Variants in SGSM1 observed in about 807,000 individuals in gnomAD.
The protein encoded by SGSM1 is small G protein signaling modulator 1.
SGSM1 carries 73 observed loss-of-function variants against 133.8 expected under a neutral mutation model. That is an observed-to-expected ratio of 0.55 (90% CI 0.45 to 0.66). SGSM1 has a LOEUF of 0.66. Ranked by LOEUF, SGSM1 falls within the 30% of genes least tolerant of loss-of-function variation. The pLI is 0.00. For missense variants in SGSM1, 1,213 were observed against 1,448.1 expected, an observed-to-expected ratio of 0.84 and a Z score of 2.64; for synonymous variants, 563 against 573.0, an observed-to-expected ratio of 0.98 and a Z score of 0.25.
At chr22:24,854,969 A>G (rs777713811) in intron 5 of SGSM1, 27 bp from the exon 6 acceptor site, 1 of 1,599,702 alleles carries the variant, frequency 6.3e-7, no homozygotes, top group East Asian at 2.2e-5. Context: ...TCTCCATCCA[A>G]ACCTGCATAT....
chr22:24,845,644 C>T (rs996685335), intron 3 of SGSM1, among the ~76,000 whole-genome samples: 1 of 152,190 alleles, frequency 6.6e-6, no homozygotes, highest in African/African-American at 2.4e-5. Flanking sequence ...ATTCCCCTCC[C>T]GTGATCTTGG....
At chr22:24,915,927 T>C (rs1182388472) in intron 22 of SGSM1, among the ~76,000 whole-genome samples, 1 of 152,198 alleles carries the variant, frequency 6.6e-6, no homozygotes, top group African/African-American at 2.4e-5. Flanking sequence ...TATGTACATG[T>C]TTTCCATAAT....
intron 24 of SGSM1, among the ~76,000 whole-genome samples, chr22:24,920,860 T>C (rs1213630501): frequency 2.6e-5 from 4 of 152,200 alleles, no homozygotes; most frequent in African/African-American, 9.7e-5. Flanking sequence ...CTTTGCCTAC[T>C]GTTAGCATTT....
At chr22:24,877,482 C>G (rs1474192564) in intron 13 of SGSM1, among the ~76,000 whole-genome samples, 1 of 152,134 alleles carries the variant, frequency 6.6e-6, no homozygotes, top group East Asian at 1.9e-4. Context: ...ATTCATGAGA[C>G]TGATCTTGTT....
chr22:24,845,941 T>TTTTCTTTCTTTCTTTC (rs200470528), intron 3 of SGSM1, among the ~76,000 whole-genome samples: 64 of 115,710 alleles, frequency 5.5e-4, no homozygotes, highest in East Asian at 1.0e-3. Context: ...TTTTCTTTTC[T>TTTTCTTTCTTTCTTTC]TTTCTTTCTT....
chr22:24,860,453 T>C (rs1233921798), intron 9 of SGSM1, among the ~76,000 whole-genome samples: 1 of 152,138 alleles, frequency 6.6e-6, no homozygotes, highest in Non-Finnish European at 1.5e-5. Flanking sequence ...AGCAGTGGTT[T>C]TTCCTGCTCC....
intron 2 of SGSM1, among the ~76,000 whole-genome samples, chr22:24,817,005 AT>A (rs1009458779): frequency 8.0e-4 from 121 of 152,128 alleles, no homozygotes; most frequent in African/African-American, 2.8e-3. Flanking sequence ...CCACTTGGTC[AT>A]GGGGGGGTGA....
chr22:24,923,117 G>C (rs1322415131), intron 24 of SGSM1, among the ~76,000 whole-genome samples: 1 of 151,818 alleles, frequency 6.6e-6, no homozygotes, highest in Non-Finnish European at 1.5e-5. Context: ...TCCACCCTGG[G>C]CAACAGAGTG....
chr22:24,863,152 T>TTTTG (rs1158161639), intron 9 of SGSM1, among the ~76,000 whole-genome samples: 2 of 152,068 alleles, frequency 1.3e-5, no homozygotes, highest in African/African-American at 4.8e-5. Context: ...TAGGCACTGT[T>TTTTG]TTTGTTTGTT....
intron 2 of SGSM1, among the ~76,000 whole-genome samples, chr22:24,829,037 CA>C (rs139628): frequency 0.41 from 61,452 of 151,002 alleles, 12,613 homozygotes; most frequent in Middle Eastern, 0.48. Context: ...ATTAAAAATA[CA>C]AAAAAAAATT....
At chr22:24,809,653 G>T (rs888550069) in intron 2 of SGSM1, among the ~76,000 whole-genome samples, 1 of 152,202 alleles carries the variant, frequency 6.6e-6, no homozygotes, top group African/African-American at 2.4e-5. Flanking sequence ...ATTTACTGAG[G>T]GCTGTGTGTC....
In SGSM1 at chr22:24,855,560, G is replaced by T. The variant is rs1443699089; in HGVS notation, c.681G>T (p.Arg227Ser). 6.2e-7 allele frequency: 1 copy of T among 1,613,736 alleles called. No homozygotes were observed. Among genetic ancestry groups the T allele is most frequent in the East Asian group, 2.2e-5 (1 of 44,878 alleles). The change falls in exon 8 of 25, where the codon AGG becomes AGT. Residue 227 changes from arginine to serine, a missense_variant. Arg to Ser is a moderately radical substitution (Grantham distance 110, BLOSUM62 -1). Coordinates refer to ENST00000400358, the MANE Select transcript of SGSM1 (RefSeq NM_001098497.3). ...TCACTCTCTACCAGATCCAGAAGAG[G>T]CATTCCAGTGGCAGCATGGATGACC... ...TKRPALCIQK[R>S]HSSGSMDDRP...
chr22:24,855,456 T>A (rs760869407), intron 7 of SGSM1, 26 bp downstream of exon 7: 6 of 1,613,194 alleles, frequency 3.7e-6, no homozygotes, highest in Non-Finnish European at 5.1e-6. Flanking sequence ...AGTGGGGCAG[T>A]GGGAGGGACC....
intron 16 of SGSM1, 135 bp downstream of exon 16, chr22:24,886,863 C>A: frequency 8.4e-7 from 1 of 1,188,436 alleles, no homozygotes; most frequent in Non-Finnish European, 1.1e-6. Context: ...CTGAAGGCGG[C>A]GCTGTCCAAT....
At chr22:24,849,157 TATA>T (rs1930312604) in intron 4 of SGSM1, among the ~76,000 whole-genome samples, 1 of 151,900 alleles carries the variant, frequency 6.6e-6, no homozygotes, top group Admixed American at 6.6e-5. Context: ...AAGCTTCCTC[TATA>T]CGTCAGCCAG....
Position 24,882,423 on chromosome 22 carries a change from G to A in SGSM1, c.1496-1630G>A, listed in dbSNP as rs114742396. ...TATTGTGGTTGTACATATTTTAGGG[G>A]TACATAGGATATTTTGATAGATGTA... is the stretch of plus-strand genomic sequence containing the variant. On this transcript the variant is annotated intron_variant, in intron 14 of 24. Transcript: ENST00000400358. Among the ~76,000 whole-genome samples the A allele has an allele frequency of 3.3e-3, 497 of 152,122 alleles. 4 individuals are homozygous for A. The highest frequency in any genetic ancestry group is 0.011 in the African/African-American group (454 of 41,514).
intron 2 of SGSM1, among the ~76,000 whole-genome samples, chr22:24,840,886 T>G (rs1377682183): frequency 1.3e-5 from 2 of 152,196 alleles, no homozygotes; most frequent in African/African-American, 4.8e-5. Context: ...AGTCTCGCTC[T>G]TTCACCCAGG....
At chr22:24,861,856 G>C (rs1931172899) in intron 9 of SGSM1, among the ~76,000 whole-genome samples, 1 of 151,168 alleles carries the variant, frequency 6.6e-6, no homozygotes, top group African/African-American at 2.4e-5. Context: ...TTTATATGGA[G>C]ATGGTTTCTC....
Position 24,893,334 on chromosome 22 carries a change from G to A in SGSM1, c.1771-97G>A, listed in dbSNP as rs1473103418. ...TCTGCTGGATGTTAACTGCGTGAAT[G>A]TTGGATGGATCAGAGCCACTCTCTT... On this transcript the variant is annotated intron_variant, in intron 16 of 24. Coordinates refer to ENST00000400358, the MANE Select transcript of SGSM1 (RefSeq NM_001098497.3). 5.4e-6 allele frequency: 7 copies of A among 1,296,572 alleles called. No homozygotes were observed. In the Admixed American group the frequency reaches 1.6e-4, roughly 29 times the overall value. 80.3% of individuals were successfully genotyped at this position (1,296,572 alleles called of 1,614,324 possible). A position where few individuals can be genotyped will look rare whatever the true frequency, so the allele number is the denominator to read the frequency against.
Sources: allele counts gnomAD v4.1 joint callset (sites outside exome capture counted in the v4.1 genomes callset), GRCh38; gene constraint gnomAD v4.1.1; transcripts MANE v1.5; gene names NCBI Gene and HGNC (gene_info 2026-07-23, HGNC 2026-07-21).